The following NCBP1 variants were observed in gnomAD, a reference collection of about 807,000 sequenced individuals.
NCBP1 encodes nuclear cap binding protein subunit 1, also known as nuclear cap-binding protein subunit 1.
NCBP1 carries 16 observed loss-of-function variants against 111.7 expected under a neutral mutation model. The ratio of observed to expected loss-of-function variants is 0.14; its 90% CI spans 0.10 to 0.22. NCBP1 has a LOEUF of 0.22. NCBP1 is among the 10% of genes least tolerant of loss of function. The probability of loss-of-function intolerance (pLI) is 1.00; values close to 1 mark genes in which losing one functional copy is unlikely to be tolerated. For synonymous variants in NCBP1, 304 were observed against 314.3 expected, an observed-to-expected ratio of 0.97 and a Z score of 0.35; for missense variants, 607 against 957.5, an observed-to-expected ratio of 0.63 and a Z score of 4.83.
intron 1 of NCBP1, among the ~76,000 whole-genome samples, chr9:97,639,425 G>A (rs147194820): frequency 2.1e-4 from 32 of 152,224 alleles, no homozygotes; most frequent in Middle Eastern, 3.4e-3. Flanking sequence ...TGTTTTATGA[G>A]AATCACCATA....
At chr9:97,668,777 TCC>T in intron 20 of NCBP1, 67 bp from the exon 21 acceptor site, 1 of 1,520,596 alleles carries the variant, frequency 6.6e-7, no homozygotes, top group Non-Finnish European at 8.9e-7. Context: ...GTAAAATGCT[TCC>T]CCTGGAGGAG....
At chr9:97,670,976 C>T (rs760624128) in intron 22 of NCBP1, 110 bp from the exon 23 acceptor site, 21 of 599,012 alleles carry the variant, frequency 3.5e-5, no homozygotes, top group South Asian at 3.4e-4. Context: ...TTTTTTTCCC[C>T]TTCCTCTTTT....
chr9:97,640,452 G>A (rs1435679891), intron 1 of NCBP1, among the ~76,000 whole-genome samples: 1 of 152,128 alleles, frequency 6.6e-6, no homozygotes, highest in African/African-American at 2.4e-5. Context: ...TGGGAGTAGC[G>A]GTACATGAGT....
chr9:97,667,807 T>G (rs1041560729), intron 20 of NCBP1, among the ~76,000 whole-genome samples: 5 of 152,244 alleles, frequency 3.3e-5, no homozygotes, highest in African/African-American at 9.6e-5. Context: ...TGCTCAGTAG[T>G]AACGTGTGGT....
rs766802082 is a variant in NCBP1, at chr9:97,651,394, G to A, written c.1059+21G>A. 3.6e-5 allele frequency: 58 copies of A among 1,603,894 alleles called. 1 individual carries two copies. In the South Asian group the frequency reaches 4.6e-4, roughly 13 times the overall value. ...TTGAGGTATGAATTCCATGTGGAGC[G>A]TGTTTCTGAGTTTCAGAATCTTTCT... On this transcript the variant is annotated intron_variant, in intron 10 of 22. Transcript: ENST00000375147.
intron 12 of NCBP1, among the ~76,000 whole-genome samples, chr9:97,655,178 T>G (rs1827614252): frequency 6.6e-6 from 1 of 152,226 alleles, no homozygotes; most frequent in Non-Finnish European, 1.5e-5. Context: ...AGACTATACT[T>G]TGGCTCTGCC....
intron 8 of NCBP1, among the ~76,000 whole-genome samples, chr9:97,648,570 T>G (rs1827411952): frequency 6.6e-6 from 1 of 152,178 alleles, no homozygotes; most frequent in Non-Finnish European, 1.5e-5. Context: ...TGCTTTCATT[T>G]CCTGAAGGTA....
chr9:97,654,238 T>TAAGG (rs761563937), intron 11 of NCBP1, among the ~76,000 whole-genome samples: 3 of 152,184 alleles, frequency 2.0e-5, no homozygotes, highest in Non-Finnish European at 2.9e-5. Context: ...CAGTAGAACT[T>TAAGG]CTTTCAGAGT....
intron 1 of NCBP1, among the ~76,000 whole-genome samples, chr9:97,636,493 AATTTAT>A (rs1233916000): frequency 3.3e-5 from 1 of 30,446 alleles, no homozygotes; most frequent in African/African-American, 7.0e-5. Context: ...ATATTATATA[AATTTAT>A]ATTTATATAT....
intron 20 of NCBP1, among the ~76,000 whole-genome samples, chr9:97,667,745 A>T (rs1828052473): frequency 6.6e-6 from 1 of 152,224 alleles, no homozygotes; most frequent in Non-Finnish European, 1.5e-5. Flanking sequence ...TGACTATTTT[A>T]GTTAAATACA....
chr9:97,638,647 T>C (rs564487696), intron 1 of NCBP1, among the ~76,000 whole-genome samples: 1 of 152,358 alleles, frequency 6.6e-6, no homozygotes, highest in Admixed American at 6.5e-5. Flanking sequence ...CCAACCTCAC[T>C]GAAATTTGGT....
chr9:97,664,299 ATGTGTGTG>A, intron 18 of NCBP1, 33 bp from the exon 19 acceptor site: 2 of 1,233,250 alleles, frequency 1.6e-6, no homozygotes, highest in South Asian at 2.5e-5. Context: ...ATGTGTGTGT[ATGTGTGTG>A]TGTGATTTAC....
At chr9:97,637,531 T>C (rs1827079388) in intron 1 of NCBP1, among the ~76,000 whole-genome samples, 1 of 152,228 alleles carries the variant, frequency 6.6e-6, no homozygotes, top group African/African-American at 2.4e-5. Context: ...CCTTGTCTTT[T>C]GGACTGTGGC....
chr9:97,639,994 T>G (rs1827161707), intron 1 of NCBP1, among the ~76,000 whole-genome samples: 1 of 152,200 alleles, frequency 6.6e-6, no homozygotes, highest in Admixed American at 6.5e-5. Flanking sequence ...TTATCAGTAA[T>G]TCAGTTAATA....
chr9:97,664,102 C>G (rs1827919596), intron 18 of NCBP1, among the ~76,000 whole-genome samples: 1 of 151,892 alleles, frequency 6.6e-6, no homozygotes, highest in African/African-American at 2.4e-5. Flanking sequence ...TTGCTTGAAC[C>G]TAGGAGGTGG....
intron 11 of NCBP1, among the ~76,000 whole-genome samples, chr9:97,654,407 A>T (rs189996231): frequency 1.3e-5 from 2 of 152,322 alleles, no homozygotes; most frequent in African/African-American, 4.8e-5. Flanking sequence ...CTTATTTTTT[A>T]AAGTTTTATT....
chr9:97,665,876 G>A (rs565160035), intron 19 of NCBP1, among the ~76,000 whole-genome samples: 2 of 151,368 alleles, frequency 1.3e-5, no homozygotes, highest in African/African-American at 2.4e-5. Flanking sequence ...ACACATATTT[G>A]TGTTGTATGT....
In NCBP1 at chr9:97,664,453, AT is replaced by A; in HGVS notation, c.1901+12del. ...CTCGTGACTTTACCAGGTAATATAA[AT>A]TATTTTATGAAACTTGTGTTCCCTA... On this transcript the variant is annotated intron_variant, in intron 19 of 22. Coordinates refer to ENST00000375147, the MANE Select transcript of NCBP1 (RefSeq NM_002486.5). 1 of 1,558,910 alleles carries A rather than the reference AT, an allele frequency of 6.4e-7. No homozygotes were observed. Among genetic ancestry groups the A allele is most frequent in the Non-Finnish European group, 8.8e-7 (1 of 1,131,994 alleles).
At chr9:97,659,167 A>G (rs548053552) in intron 15 of NCBP1, among the ~76,000 whole-genome samples, 1 of 152,268 alleles carries the variant, frequency 6.6e-6, no homozygotes, top group East Asian at 1.9e-4. Flanking sequence ...TTTTGGTCAC[A>G]TAATCTCTGA....
Sources: gnomAD v4.1 joint callset for allele counts (sites outside exome capture counted in the v4.1 genomes callset) on GRCh38, gnomAD v4.1.1 for gene constraint, MANE v1.5 for transcripts, NCBI Gene and HGNC (gene_info 2026-07-23, HGNC 2026-07-21) for gene names.